Variants in GRIP2 observed in about 807,000 individuals in gnomAD.
GRIP2 encodes the protein glutamate receptor-interacting protein 2.
GRIP2 carries 58 observed loss-of-function variants against 108.3 expected under a neutral mutation model. The observed-to-expected ratio is 0.54, with a 90% confidence interval of 0.43 to 0.67. The LOEUF (loss-of-function observed/expected upper bound fraction) is 0.67. Ranked by LOEUF, GRIP2 falls within the 30% of genes least tolerant of loss-of-function variation. The probability of loss-of-function intolerance (pLI) is 0.00; values close to 1 mark genes in which losing one functional copy is unlikely to be tolerated. For synonymous variants in GRIP2, 586 were observed against 598.2 expected (o/e 0.98, Z 0.30); for missense variants, 1,278 against 1,430.6 (o/e 0.89, Z 1.72).
In GRIP2 at chr3:14,540,109, GC is replaced by G. The variant is rs1460991280; in HGVS notation, c.40+159del. 2.6e-5 allele frequency among the ~76,000 whole-genome samples: 4 copies of G among 152,070 alleles called. No homozygotes were observed. The highest frequency in any genetic ancestry group is 7.2e-5 in the African/African-American group (3 of 41,412). On this transcript the variant is annotated intron_variant, in intron 1 of 23. Transcript: ENST00000621039. The surrounding 1 kb of genome is among the most constrained non-coding windows in gnomAD (Gnocchi z 4.1). ...GACAGTGGCCAGGGTCAGACAGACA[GC>G]CCCAGCAAGTGTCCTGCCCCACCCT...
At chr3:14,573,093 C>T in the GRIP2 span, 1 of 1,406,486 alleles carries the variant, frequency 7.1e-7, no homozygotes, top group Non-Finnish European at 1.0e-6. Context: ...ACTGATGAAC[C>T]CCGAAATGTG....
upstream of GRIP2, among the ~76,000 whole-genome samples, chr3:14,560,056 C>G (rs767976826): frequency 9.9e-5 from 15 of 152,066 alleles, no homozygotes; most frequent in Non-Finnish European, 1.8e-4. Flanking sequence ...AGTTCAAGAC[C>G]CGCCTGGGCA....
the GRIP2 span, among the ~76,000 whole-genome samples, chr3:14,565,207 C>T: frequency 0.058 from 8,755 of 152,242 alleles, 370 homozygotes; most frequent in Non-Finnish European, 0.082. Context: ...GGGAAAGGGG[C>T]GAAGGCTGGG....
intron 21 of GRIP2, among the ~76,000 whole-genome samples, chr3:14,500,381 G>T (rs1023769337): frequency 1.3e-5 from 2 of 152,126 alleles, no homozygotes; most frequent in African/African-American, 4.8e-5. Context: ...CGAGTCCTCG[G>T]ACTGAAAAAA....
chr3:14,514,593 C>G, intron 11 of GRIP2, 115 bp from the exon 12 acceptor site: 1 of 1,069,414 alleles, frequency 9.4e-7, no homozygotes, highest in East Asian at 2.7e-5. Flanking sequence ...GAAGTGGGAG[C>G]CCTGACTCAG....
intron 11 of GRIP2, 65 bp from the exon 12 acceptor site, chr3:14,514,543 GC>G: frequency 6.9e-7 from 1 of 1,455,336 alleles, no homozygotes; most frequent in Non-Finnish European, 9.2e-7. Context: ...GCCAGGGCCT[GC>G]CCATCCCGGG....
chr3:14,564,267 C>T, the GRIP2 span, among the ~76,000 whole-genome samples: 1 of 152,258 alleles, frequency 6.6e-6, no homozygotes, highest in Admixed American at 6.5e-5. Context: ...TGGGCAGGCA[C>T]CATTCACAAG....
chr3:14,494,866 G>A lies in GRIP2; in HGVS notation c.2947C>T (p.Gln983Ter). 3 of 1,613,664 alleles carry A rather than the reference G, an allele frequency of 1.9e-6. No individual in the cohort carries two copies. Among genetic ancestry groups the A allele is most frequent in the Non-Finnish European group, 2.5e-6 (3 of 1,179,702 alleles). ...PDGPAHRGGL[Q>*]PFDRVLQVNH... is the part of the protein sequence containing the mutation. ...ACCTGCAGGACCCTGTCGAAGGGCT[G>A]GAGGCCTCCACGGTGGGCTGGCCCA... The change falls in exon 23 of 24, where the codon CAG (glutamine) becomes TAG (stop). Residue 983 changes from glutamine (Q) to a stop codon, truncating the protein, a stop_gained. Transcript: ENST00000621039. LOFTEE classifies it high-confidence loss of function.
chr3:14,516,426 T>A (rs970132460), intron 11 of GRIP2, among the ~76,000 whole-genome samples: 1 of 152,212 alleles, frequency 6.6e-6, no homozygotes, highest in Non-Finnish European at 1.5e-5. Context: ...GAAAGACTGT[T>A]CCCAAGAAGG....
chr3:14,540,448 C>A, upstream of GRIP2: 2 of 1,563,188 alleles, frequency 1.3e-6, no homozygotes, highest in South Asian at 2.3e-5. This position sits in a 1 kb window ranked among gnomAD's most constrained non-coding sequence, Gnocchi z 4.1. Context: ...CCCACTGCAG[C>A]GGGCGGCTCT....
the GRIP2 span, among the ~76,000 whole-genome samples, chr3:14,601,665 G>A: frequency 2.0e-5 from 3 of 152,176 alleles, no homozygotes; most frequent in Admixed American, 2.0e-4. Context: ...TCACAACCCA[G>A]GATCTCAGTG....
chr3:14,601,185 CT>C, the GRIP2 span, among the ~76,000 whole-genome samples: 1 of 152,168 alleles, frequency 6.6e-6, no homozygotes, highest in African/African-American at 2.4e-5. Context: ...CTGTTCTGGA[CT>C]GTGTGCTTTG....
chr3:14,563,362 T>C, the GRIP2 span, among the ~76,000 whole-genome samples: 104 of 151,962 alleles, frequency 6.8e-4, 5 homozygotes, highest in Non-Finnish European at 1.3e-4. Flanking sequence ...AATGAAAATT[T>C]AAAATTTAAA....
chr3:14,520,705 T>C, intron 7 of GRIP2, 168 bp from the exon 8 acceptor site: 3 of 707,326 alleles, frequency 4.2e-6, no homozygotes, highest in Non-Finnish European at 6.9e-6. Context: ...TTCTACCAAA[T>C]GTTATATCAA....
chr3:14,495,934 C>A (rs1007568228), intron 22 of GRIP2, among the ~76,000 whole-genome samples: 1 of 152,040 alleles, frequency 6.6e-6, no homozygotes, highest in Non-Finnish European at 1.5e-5. Flanking sequence ...TCATTTGAAC[C>A]CAGGAGTTTG....
At chr3:14,594,764 C>T in the GRIP2 span, among the ~76,000 whole-genome samples, 1 of 152,256 alleles carries the variant, frequency 6.6e-6, no homozygotes, top group Non-Finnish European at 1.5e-5. Flanking sequence ...AGTCACTCAA[C>T]ATTTCTGCCT....
chr3:14,574,016 G>T, the GRIP2 span: 1 of 1,370,306 alleles, frequency 7.3e-7, no homozygotes, highest in Non-Finnish European at 1.0e-6. Flanking sequence ...GGTGGATGAG[G>T]GCCTCCGAGC....
chr3:14,519,982 G>T, intron 9 of GRIP2, 128 bp downstream of exon 9: 1 of 920,394 alleles, frequency 1.1e-6, no homozygotes, highest in Non-Finnish European at 1.6e-6. Flanking sequence ...AGCTTCCCTG[G>T]GCAAATGAGG....
Position 14,493,654 on chromosome 3 carries a change from A to G in GRIP2, c.*11T>C. 1.3e-6 allele frequency: 2 copies of G among 1,586,064 alleles called. No homozygotes were observed. The highest frequency in any genetic ancestry group is 1.1e-5 in the South Asian group (1 of 87,650). The stretch of plus-strand genomic sequence containing the variant: ...GGGTGGCCCCTTAGGAGTTCGGCCC[A>G]CATGCTGACTTCAGAGCATCCGGGG... On this transcript the variant is annotated 3_prime_UTR_variant, in exon 24 of 24. Coordinates refer to ENST00000621039, the MANE Select transcript of GRIP2 (RefSeq NM_001080423.4).
Sources: gnomAD v4.1 joint callset for allele counts (sites outside exome capture counted in the v4.1 genomes callset) on GRCh38, gnomAD v4.1.1 for gene constraint, Gnocchi (gnomAD v3.1) non-coding constraint, MANE v1.5 for transcripts, NCBI Gene and HGNC (gene_info 2026-07-23, HGNC 2026-07-21) for gene names.